Variants in CDH13 observed in about 807,000 individuals in gnomAD.
CDH13 encodes cadherin 13.
Under a neutral mutation model 63.8 loss-of-function variants are expected in CDH13, and 24 were observed. The ratio of observed to expected loss-of-function variants is 0.38; its 90% CI spans 0.27 to 0.53. The LOEUF (loss-of-function observed/expected upper bound fraction) is 0.53. CDH13 is among the 20% of genes least tolerant of loss of function. The pLI is 0.85. For missense variants in CDH13, 1,049 were observed against 903.1 expected, an observed-to-expected ratio of 1.16 and a Z score of -2.07; for synonymous variants, 503 against 355.3, an observed-to-expected ratio of 1.42 and a Z score of -4.67.
chr16:83,636,287 C>T (rs1243337890), intron 8 of CDH13, among the ~76,000 whole-genome samples: 1 of 152,144 alleles, frequency 6.6e-6, no homozygotes, highest in African/African-American at 2.4e-5. Flanking sequence ...AAAAGTATTT[C>T]AGAAAACATT....
intron 3 of CDH13, among the ~76,000 whole-genome samples, chr16:83,056,504 T>C (rs907954142): frequency 6.6e-6 from 1 of 151,458 alleles, no homozygotes; most frequent in Non-Finnish European, 1.5e-5. Context: ...AAAATATGGA[T>C]AAACTTAATA....
At chr16:83,738,915 A>AG (rs1251028789) in intron 10 of CDH13, among the ~76,000 whole-genome samples, 9 of 152,260 alleles carry the variant, frequency 5.9e-5, no homozygotes, top group Admixed American at 1.3e-4. Flanking sequence ...GAAAACAAAA[A>AG]GGGGGGGTTT....
intron 7 of CDH13, among the ~76,000 whole-genome samples, chr16:83,493,518 T>C (rs115755570): frequency 1.7e-3 from 252 of 152,248 alleles, no homozygotes; most frequent in African/African-American, 6.0e-3. Context: ...AACCGAACCT[T>C]GATGGCTGTG....
At chr16:83,416,674 A>G (rs978877009) in intron 6 of CDH13, among the ~76,000 whole-genome samples, 12 of 152,160 alleles carry the variant, frequency 7.9e-5, no homozygotes, top group African/African-American at 2.4e-4. Flanking sequence ...GAGCATCTCC[A>G]AGTAGATGTC....
chr16:83,041,064 C>G (rs1161364310), intron 3 of CDH13, among the ~76,000 whole-genome samples: 2 of 152,178 alleles, frequency 1.3e-5, no homozygotes, highest in Non-Finnish European at 1.5e-5. Flanking sequence ...TACAGGTCCA[C>G]TTAACAAACT....
intron 4 of CDH13, among the ~76,000 whole-genome samples, chr16:83,159,794 C>T (rs555714515): frequency 1.3e-5 from 2 of 152,056 alleles, no homozygotes; most frequent in Admixed American, 6.6e-5. Context: ...ATATAATGCA[C>T]CTGGGCACGG....
intron 12 of CDH13, among the ~76,000 whole-genome samples, chr16:83,782,948 C>G (rs1915629808): frequency 6.6e-6 from 1 of 151,962 alleles, no homozygotes; most frequent in African/African-American, 2.4e-5. Flanking sequence ...GAAAGGAGCT[C>G]TCCTTGAAAC....
intron 6 of CDH13, among the ~76,000 whole-genome samples, chr16:83,347,731 C>T (rs1419397719): frequency 1.3e-5 from 2 of 152,168 alleles, no homozygotes; most frequent in African/African-American, 4.8e-5. Context: ...TCTCCAGCTT[C>T]AAAATTTGGT....
rs147810026 is a variant in CDH13, at chr16:82,961,235, G to C, written c.158-70775G>C. On this transcript the variant is annotated intron_variant, in intron 2 of 13. Coordinates refer to ENST00000567109, the MANE Select transcript of CDH13 (RefSeq NM_001257.5). Reference sequence around the variant, plus strand: ...GGACTTCCCACCACAAGTCAATGAGGAGATGGGGTAGCCAGGCCTAAAACC... The same window carrying C: ...GGACTTCCCACCACAAGTCAATGAGCAGATGGGGTAGCCAGGCCTAAAACC... Among the ~76,000 whole-genome samples, 278 of 152,282 alleles carry C rather than the reference G, an allele frequency of 1.8e-3. 1 individual carries two copies. Among genetic ancestry groups the C allele is most frequent in the South Asian group, 3.5e-3 (17 of 4,826 alleles).
intron 1 of CDH13, among the ~76,000 whole-genome samples, chr16:82,641,947 G>A (rs1909453632): frequency 6.6e-6 from 1 of 152,164 alleles, no homozygotes; most frequent in Non-Finnish European, 1.5e-5. Context: ...GACAGGCAGA[G>A]GTCATGGCGC....
chr16:83,576,497 TTTCTAATTCTTTGGGGTATATA>T (rs1905095492), intron 7 of CDH13, among the ~76,000 whole-genome samples: 1 of 152,248 alleles, frequency 6.6e-6, no homozygotes, highest in Admixed American at 6.5e-5. Flanking sequence ...TGAGTGCCTG[TTTCTAATTCTTTGGGGTATATA>T]TCTAGAAGTA....
Position 82,822,510 on chromosome 16 carries a change from T to C in CDH13, c.46-35852T>C, listed in dbSNP as rs183409317. On this transcript the variant is annotated intron_variant, in intron 1 of 13. Transcript: ENST00000567109. ...TTACTGTTCCAGTTATCTTTTTTCT[T>C]TGTATAAACAGGGTCTCATTCTGTC... 9.1e-4 allele frequency among the ~76,000 whole-genome samples: 139 copies of C among 152,334 alleles called. 1 individual carries two copies. Among genetic ancestry groups the C allele is most frequent in the Middle Eastern group, 3.4e-3 (1 of 294 alleles).
intron 2 of CDH13, among the ~76,000 whole-genome samples, chr16:83,005,717 C>T (rs1295106400): frequency 2.0e-5 from 3 of 152,232 alleles, no homozygotes; most frequent in Admixed American, 6.5e-5. Flanking sequence ...GGTTCTCTGA[C>T]TCCAACAAGA....
At chr16:82,903,970 C>T (rs1303007869) in intron 2 of CDH13, among the ~76,000 whole-genome samples, 2 of 152,152 alleles carry the variant, frequency 1.3e-5, no homozygotes, top group Non-Finnish European at 2.9e-5. Flanking sequence ...CTTTTTCTCT[C>T]TCCCTATTCT....
intron 1 of CDH13, among the ~76,000 whole-genome samples, chr16:82,846,184 A>G (rs555532450): frequency 5.9e-5 from 9 of 152,150 alleles, no homozygotes; most frequent in Non-Finnish European, 1.2e-4. Flanking sequence ...CTTTGTTCTT[A>G]GAGGTTGTCA....
At chr16:83,229,028 T>C (rs1354683564) in intron 5 of CDH13, among the ~76,000 whole-genome samples, 1 of 151,996 alleles carries the variant, frequency 6.6e-6, no homozygotes, top group African/African-American at 2.4e-5. Context: ...TACCTTGGGA[T>C]GAAAAGAGTA....
At chr16:83,110,832 C>G (rs1406010581) in intron 3 of CDH13, among the ~76,000 whole-genome samples, 1 of 151,964 alleles carries the variant, frequency 6.6e-6, no homozygotes, top group Non-Finnish European at 1.5e-5. Flanking sequence ...ACCCCAAAAC[C>G]TTGGGACCCT....
In CDH13 at chr16:83,426,739, C is replaced by G. The variant is rs537046850; in HGVS notation, c.782-59738C>G. Among the ~76,000 whole-genome samples the G allele has an allele frequency of 2.6e-3, 400 of 151,958 alleles. 4 individuals are homozygous for G. The highest frequency in any genetic ancestry group is 9.2e-3 in the African/African-American group (383 of 41,444). On this transcript the variant is annotated intron_variant, in intron 6 of 13. Coordinates refer to ENST00000567109, the MANE Select transcript of CDH13 (RefSeq NM_001257.5). Reference sequence around the variant, plus strand: ...ATGATAGTCCTCATTCTCCCTAAGCCCTTAGTGATTATGAGCCCCTCCCAC... The same window carrying G: ...ATGATAGTCCTCATTCTCCCTAAGCGCTTAGTGATTATGAGCCCCTCCCAC...
chr16:83,328,398 G>A (rs772112768), intron 5 of CDH13, among the ~76,000 whole-genome samples: 1 of 152,156 alleles, frequency 6.6e-6, no homozygotes, highest in Non-Finnish European at 1.5e-5. Flanking sequence ...AGAGTGAAAT[G>A]ATCAAAGTTA....
Sources: allele counts gnomAD v4.1 joint callset (sites outside exome capture counted in the v4.1 genomes callset), GRCh38; gene constraint gnomAD v4.1.1; transcripts MANE v1.5; gene names NCBI Gene and HGNC (gene_info 2026-07-23, HGNC 2026-07-21).